Variants in SLC4A10 observed in about 807,000 individuals in gnomAD.
The protein encoded by SLC4A10 is sodium-driven chloride bicarbonate exchanger.
A neutral mutation model predicts 137.7 loss-of-function variants in SLC4A10; 42 were observed. The observed-to-expected ratio is 0.30, with a 90% CI of 0.24 to 0.39. The LOEUF is 0.39. SLC4A10 is among the 10% of genes least tolerant of loss of function. The probability of loss-of-function intolerance (pLI) is 1.00; values close to 1 mark genes in which losing one functional copy is unlikely to be tolerated. For missense variants in SLC4A10, 925 were observed against 1,355.0 expected (o/e 0.68, Z 4.98); for synonymous variants, 474 against 464.1 (o/e 1.02, Z -0.27).
At chr2:161,940,022 A>C (rs1559583133) in intron 15 of SLC4A10, among the ~76,000 whole-genome samples, 1 of 152,198 alleles carries the variant, frequency 6.6e-6, no homozygotes. Flanking sequence ...CCAGTGAAAC[A>C]ACCATACTGG....
intron 18 of SLC4A10, among the ~76,000 whole-genome samples, chr2:161,949,952 T>A (rs767965387): frequency 5.9e-5 from 9 of 151,768 alleles, no homozygotes; most frequent in Non-Finnish European, 1.2e-4. Flanking sequence ...CATTTCAGAT[T>A]TCAGCTTTTC....
At chr2:161,789,169 G>T (rs1205588984) in intron 2 of SLC4A10, among the ~76,000 whole-genome samples, 1 of 152,188 alleles carries the variant, frequency 6.6e-6, no homozygotes, top group Non-Finnish European at 1.5e-5. Context: ...GCACGAGCTG[G>T]CCACCTGAGG....
intron 1 of SLC4A10, among the ~76,000 whole-genome samples, chr2:161,652,215 G>A (rs1249419953): frequency 6.6e-6 from 1 of 152,118 alleles, no homozygotes; most frequent in East Asian, 1.9e-4. Context: ...TGTACTTTTT[G>A]TTCTGTGAAG....
intron 1 of SLC4A10, among the ~76,000 whole-genome samples, chr2:161,764,519 A>G (rs183262355): frequency 4.4e-4 from 67 of 152,268 alleles, no homozygotes; most frequent in Non-Finnish European, 7.8e-4. Flanking sequence ...TACAAAATGG[A>G]TATAACATAT....
At chr2:161,720,282 G>A (rs987594735) in intron 1 of SLC4A10, among the ~76,000 whole-genome samples, 1 of 152,172 alleles carries the variant, frequency 6.6e-6, no homozygotes, top group African/African-American at 2.4e-5. Flanking sequence ...GTACCATGCT[G>A]TTTTGGTTAC....
chr2:161,797,803 A>G (rs1303921054), intron 2 of SLC4A10, among the ~76,000 whole-genome samples: 1 of 152,098 alleles, frequency 6.6e-6, no homozygotes, highest in Non-Finnish European at 1.5e-5. Flanking sequence ...AAGAAACAGT[A>G]TTTTTGAAAA....
chr2:161,814,077 C>T (rs2056827296), intron 3 of SLC4A10, among the ~76,000 whole-genome samples: 1 of 151,892 alleles, frequency 6.6e-6, no homozygotes, highest in South Asian at 2.1e-4. Flanking sequence ...ACTTAAACAA[C>T]TCAACAAGCA....
intron 1 of SLC4A10, among the ~76,000 whole-genome samples, chr2:161,706,321 A>G (rs994048393): frequency 1.3e-5 from 2 of 151,568 alleles, no homozygotes; most frequent in African/African-American, 2.4e-5. Context: ...CAATTTTCTT[A>G]TTTTTCATTA....
chr2:161,937,681 C>T (rs1332419454), intron 15 of SLC4A10, among the ~76,000 whole-genome samples: 1 of 152,100 alleles, frequency 6.6e-6, no homozygotes, highest in Non-Finnish European at 1.5e-5. Context: ...CTATCTTGTC[C>T]AACTTAGCAT....
At chr2:161,735,577 T>C (rs755266041) in intron 1 of SLC4A10, among the ~76,000 whole-genome samples, 3 of 152,170 alleles carry the variant, frequency 2.0e-5, no homozygotes, top group Non-Finnish European at 4.4e-5. Flanking sequence ...CTATATGGCA[T>C]CCAGGACAGC....
At chr2:161,754,352 T>C (rs1192012328) in intron 1 of SLC4A10, among the ~76,000 whole-genome samples, 1 of 152,162 alleles carries the variant, frequency 6.6e-6, no homozygotes, top group Non-Finnish European at 1.5e-5. Context: ...AATAGAATTT[T>C]TCTATAAAAC....
intron 1 of SLC4A10, among the ~76,000 whole-genome samples, chr2:161,748,403 A>T (rs548048102): frequency 6.1e-5 from 9 of 147,312 alleles, no homozygotes; most frequent in Non-Finnish European, 9.0e-5. Flanking sequence ...TGCAATTTTA[A>T]ATCTTACGTC....
At chr2:161,624,599 C>T in intron 1 of SLC4A10, 33 bp downstream of exon 1, 1 of 1,551,342 alleles carries the variant, frequency 6.4e-7, no homozygotes, top group South Asian at 1.2e-5. Context: ...ATAGATTAAC[C>T]GCGTTTGCTG....
chr2:161,959,933 T>G (rs529228101), intron 21 of SLC4A10, among the ~76,000 whole-genome samples: 1 of 152,294 alleles, frequency 6.6e-6, no homozygotes, highest in Admixed American at 6.5e-5. Flanking sequence ...TCCTGAAAAT[T>G]TATGTCCACC....
intron 26 of SLC4A10, among the ~76,000 whole-genome samples, chr2:161,978,722 C>T (rs1699793418): frequency 6.6e-6 from 1 of 152,190 alleles, no homozygotes; most frequent in African/African-American, 2.4e-5. Flanking sequence ...GTGTCTCTCT[C>T]TCAACCACCT....
chr2:161,727,685 G>A (rs2046376087), intron 1 of SLC4A10, among the ~76,000 whole-genome samples: 1 of 151,864 alleles, frequency 6.6e-6, no homozygotes, highest in South Asian at 2.1e-4. Context: ...CACAATGAAA[G>A]GAAAATAAAG....
intron 1 of SLC4A10, among the ~76,000 whole-genome samples, chr2:161,660,647 T>A (rs1467171074): frequency 2.1e-4 from 31 of 144,738 alleles, no homozygotes; most frequent in Non-Finnish European, 4.1e-4. Context: ...TTTCCTTCTT[T>A]CTTTCTTTCT....
intron 23 of SLC4A10, among the ~76,000 whole-genome samples, chr2:161,972,151 A>G (rs1401314375): frequency 6.6e-6 from 1 of 152,192 alleles, no homozygotes; most frequent in Non-Finnish European, 1.5e-5. Flanking sequence ...ATGATATCAT[A>G]TACCAGGCTT....
At chr2:161,908,522 C>G (rs962855729) in intron 15 of SLC4A10, among the ~76,000 whole-genome samples, 1 of 149,290 alleles carries the variant, frequency 6.7e-6, no homozygotes, top group African/African-American at 2.5e-5. Context: ...ACCAACATGG[C>G]ACATGTATAC....
Sources: gnomAD v4.1 joint callset for allele counts (sites outside exome capture counted in the v4.1 genomes callset) on GRCh38, gnomAD v4.1.1 for gene constraint, MANE v1.5 for transcripts, NCBI Gene and HGNC (gene_info 2026-07-23, HGNC 2026-07-21) for gene names.